The following VAV1 variants were observed in gnomAD, a reference collection of about 807,000 sequenced individuals.
VAV1 encodes vav guanine nucleotide exchange factor 1.
In VAV1, 33 loss-of-function variants were observed where a neutral mutation model predicts 128.1. That is an observed-to-expected ratio of 0.26 (90% CI 0.20 to 0.34). The LOEUF (loss-of-function observed/expected upper bound fraction) is 0.34. Ranked by LOEUF, VAV1 falls within the 10% of genes least tolerant of loss-of-function variation. The probability of loss-of-function intolerance (pLI) is 1.00; values close to 1 mark genes in which losing one functional copy is unlikely to be tolerated. For synonymous variants in VAV1, 394 were observed against 409.8 expected, an observed-to-expected ratio of 0.96 and a Z score of 0.47; for missense variants, 715 against 1,093.7, an observed-to-expected ratio of 0.65 and a Z score of 4.88.
At chr19:6,850,792 AGAACCTAGGAG>A in intron 24 of VAV1, 35 bp downstream of exon 24, 4 of 1,608,480 alleles carry the variant, frequency 2.5e-6, no homozygotes, top group Middle Eastern at 1.7e-4. Flanking sequence ...CCAGCTTTCC[AGAACCTAGGAG>A]GACCCTCCCT....
intron 1 of VAV1, among the ~76,000 whole-genome samples, chr19:6,814,705 T>TTTCC (rs1971600984): frequency 7.4e-6 from 1 of 134,268 alleles, no homozygotes; most frequent in African/African-American, 3.3e-5. Context: ...TCTTTCTTTC[T>TTTCC]TTCTTTCTTT....
intron 21 of VAV1, among the ~76,000 whole-genome samples, chr19:6,839,988 G>T (rs935365477): frequency 3.3e-5 from 5 of 152,124 alleles, no homozygotes; most frequent in African/African-American, 4.8e-5. Flanking sequence ...CGCCATGCCC[G>T]GCCAACATAA....
At chr19:6,844,806 G>T (rs114416645) in intron 22 of VAV1, among the ~76,000 whole-genome samples, 2,748 of 152,004 alleles carry the variant, frequency 0.018, 83 homozygotes, top group African/African-American at 0.063. Context: ...TTAAGGGGAC[G>T]CTGAAAATCT....
intron 26 of VAV1, 58 bp downstream of exon 26, chr19:6,854,156 G>A (rs534630103): frequency 1.3e-5 from 20 of 1,592,192 alleles, no homozygotes; most frequent in African/African-American, 8.0e-5. Flanking sequence ...GGTGGTGGAC[G>A]AGACTGGAAC....
Position 6,855,389 on chromosome 19 carries a change from C to G in VAV1, c.2484+1291C>G, listed in dbSNP as rs1324665475. 2.0e-5 allele frequency among the ~76,000 whole-genome samples: 3 copies of G among 151,956 alleles called. No homozygotes were observed. The South Asian group carries it at 6.2e-4, about 32-fold the overall frequency. ...GATGTAAAGGATTCATCCATCCATC[C>G]ATCCATCCATCTATCCATCCATCCA... On this transcript the variant is annotated intron_variant, in intron 26 of 26. Transcript: ENST00000602142.
intron 14 of VAV1, 102 bp from the exon 15 acceptor site, chr19:6,831,989 G>A (rs1465026453): frequency 2.2e-6 from 2 of 904,792 alleles, no homozygotes; most frequent in Non-Finnish European, 3.5e-6. Context: ...CATAGAGACT[G>A]TCATGGGCTT....
intron 1 of VAV1, among the ~76,000 whole-genome samples, chr19:6,778,417 A>G (rs1970692535): frequency 6.6e-6 from 1 of 152,044 alleles, no homozygotes; most frequent in Non-Finnish European, 1.5e-5. Flanking sequence ...CCCAGTGAAT[A>G]GTGGGGAGAG....
At chr19:6,805,989 G>T (rs2144739698) in intron 1 of VAV1, among the ~76,000 whole-genome samples, 1 of 152,200 alleles carries the variant, frequency 6.6e-6, no homozygotes, top group South Asian at 2.1e-4. Context: ...CAAGGCAGTG[G>T]CTATGCTCCC....
At chr19:6,796,450 G>A (rs916417597) in intron 1 of VAV1, among the ~76,000 whole-genome samples, 4 of 140,380 alleles carry the variant, frequency 2.8e-5, no homozygotes, top group African/African-American at 6.0e-5. Flanking sequence ...CCTCCCCCTC[G>A]CTTACTCTGC....
intron 1 of VAV1, among the ~76,000 whole-genome samples, chr19:6,790,941 T>A (rs1319311623): frequency 6.6e-6 from 1 of 152,194 alleles, no homozygotes; most frequent in Non-Finnish European, 1.5e-5. Flanking sequence ...CACTTTTGCC[T>A]CTTCCCTGTT....
chr19:6,854,162 G>A (rs1274919216), intron 26 of VAV1, 64 bp downstream of exon 26: 2 of 1,580,162 alleles, frequency 1.3e-6, no homozygotes, highest in Non-Finnish European at 1.7e-6. Flanking sequence ...GGACGAGACT[G>A]GAACTGGGGA....
intron 15 of VAV1, among the ~76,000 whole-genome samples, chr19:6,832,873 T>C (rs1972118990): frequency 6.6e-6 from 1 of 152,214 alleles, no homozygotes; most frequent in Non-Finnish European, 1.5e-5. Context: ...AACAGCATTG[T>C]GCAACCATCA....
chr19:6,847,381 CA>C (rs1972550733), intron 22 of VAV1, among the ~76,000 whole-genome samples: 3 of 152,032 alleles, frequency 2.0e-5, no homozygotes, highest in South Asian at 4.2e-4. Flanking sequence ...GTGTTCTGGG[CA>C]TTTCCTATGA....
At chr19:6,783,688 G>A (rs1364882894) in intron 1 of VAV1, among the ~76,000 whole-genome samples, 4 of 151,858 alleles carry the variant, frequency 2.6e-5, no homozygotes, top group South Asian at 2.1e-4. Flanking sequence ...GGGTGGTCTC[G>A]AACTCCTGAC....
At chr19:6,836,933 G>C in intron 20 of VAV1, 52 bp from the exon 21 acceptor site, 1 of 1,589,170 alleles carries the variant, frequency 6.3e-7, no homozygotes, top group South Asian at 1.1e-5. Flanking sequence ...GGCAGGTGGG[G>C]TTATGGATCC....
At chr19:6,854,251 G>A (rs1333748984) in intron 26 of VAV1, among the ~76,000 whole-genome samples, 153 bp downstream of exon 26, 1 of 152,236 alleles carries the variant, frequency 6.6e-6, no homozygotes, top group Non-Finnish European at 1.5e-5. Context: ...TGTCATTTAT[G>A]CATTTATGCA....
chr19:6,814,732 C>CTTTCTTT (rs1555701472), intron 1 of VAV1, among the ~76,000 whole-genome samples: 16 of 129,992 alleles, frequency 1.2e-4, no homozygotes, highest in South Asian at 2.4e-4. Flanking sequence ...TTCTTTCTTT[C>CTTTCTTT]CTTTTTCCCT....
rs1971751633 is a variant in VAV1 at position 6,820,275 on chromosome 19, GC to G, written c.205-424del. ...GTTTGAGACAGGGTCTTGCTTTGTT[GC>G]CCAGGCTGGAGTGCAGTGGTGCCAT... On this transcript the variant is annotated intron_variant, in intron 1 of 26. Transcript: ENST00000602142. This position sits in a 1 kb window ranked among gnomAD's most constrained non-coding sequence, Gnocchi z 4.4. Among the ~76,000 whole-genome samples, 1 of 152,142 alleles carries G rather than the reference GC, an allele frequency of 6.6e-6. No individual in the cohort carries two copies. Among genetic ancestry groups the G allele is most frequent in the Non-Finnish European group, 1.5e-5 (1 of 68,018 alleles).
At chr19:6,815,205 T>C (rs1971620411) in intron 1 of VAV1, among the ~76,000 whole-genome samples, 1 of 152,122 alleles carries the variant, frequency 6.6e-6, no homozygotes, top group African/African-American at 2.4e-5. Flanking sequence ...CGGAGTGCAG[T>C]GGTGCGATCA....
Sources: gnomAD v4.1 joint callset for allele counts (sites outside exome capture counted in the v4.1 genomes callset) on GRCh38, gnomAD v4.1.1 for gene constraint, Gnocchi (gnomAD v3.1) non-coding constraint, MANE v1.5 for transcripts, NCBI Gene and HGNC (gene_info 2026-07-23, HGNC 2026-07-21) for gene names.